RABEPK: variants seen among roughly 807,000 people sequenced by gnomAD.
RABEPK encodes Rab9 effector protein with kelch motifs.
RABEPK carries 27 observed loss-of-function variants against 34.1 expected under a neutral mutation model. That is an observed-to-expected ratio of 0.79 (90% CI 0.58 to 1.09). RABEPK has a LOEUF of 1.09. RABEPK is among the 50% of genes least tolerant of loss of function. The pLI, the probability that RABEPK is intolerant of heterozygous loss-of-function variation, is 0.00. For missense variants in RABEPK, 449 were observed against 462.6 expected, an observed-to-expected ratio of 0.97 and a Z score of 0.27; for synonymous variants, 172 against 169.2, an observed-to-expected ratio of 1.02 and a Z score of -0.13.
chr9:125,209,997 G>A (rs896848521), intron 3 of RABEPK, among the ~76,000 whole-genome samples: 9 of 152,100 alleles, frequency 5.9e-5, no homozygotes, highest in African/African-American at 2.2e-4. Context: ...AAGCTCCTCA[G>A]AAACAGATAG....
At chr9:125,225,564 T>A (rs1831674180) in intron 5 of RABEPK, among the ~76,000 whole-genome samples, 1 of 152,158 alleles carries the variant, frequency 6.6e-6, no homozygotes, top group Non-Finnish European at 1.5e-5. Context: ...GGCTCATGCC[T>A]ATAATCCCAA....
rs530233104 is a variant in RABEPK, at chr9:125,212,320, T to C, written c.212-1050T>C. 1.3e-4 allele frequency among the ~76,000 whole-genome samples: 20 copies of C among 152,244 alleles called. No individual in the cohort carries two copies. In the East Asian group the frequency reaches 3.3e-3, roughly 25 times the overall value. ...CTGCAAGCTCCACCTCCCGGGTTAA[T>C]GCCATTCTCCTGCCTCAGCCTCCCA... On this transcript the variant is annotated intron_variant, in intron 3 of 7. Transcript: ENST00000373538.
chr9:125,206,267 C>T (rs1317927135), intron 2 of RABEPK, among the ~76,000 whole-genome samples: 2 of 151,988 alleles, frequency 1.3e-5, no homozygotes. Flanking sequence ...CTTAGGGAGA[C>T]CAGGGCAGAA....
At chr9:125,212,977 G>A (rs1830686455) in intron 3 of RABEPK, among the ~76,000 whole-genome samples, 3 of 152,132 alleles carry the variant, frequency 2.0e-5, no homozygotes, top group Admixed American at 6.6e-5. Flanking sequence ...CAATACAGGC[G>A]TGTTTCAAAG....
Position 125,233,845 on chromosome 9 carries a change from A to G in RABEPK, c.984A>G (p.Ser328=). The change falls in exon 8 of 8, where the codon TCA becomes TCG. Residue 328 remains serine (S), a synonymous_variant. Transcript: ENST00000373538. ...TLNHEAEKED[S]ADKVMSHSGD... is the part of the protein sequence containing the mutation. ...ACCATGAAGCTGAGAAAGAGGATTC[A>G]GCTGACAAAGTAATGAGCCACAGTG... is the stretch of plus-strand genomic sequence containing the variant. 1.2e-6 allele frequency: 2 copies of G among 1,614,210 alleles called. No homozygotes were observed. Among genetic ancestry groups the G allele is most frequent in the Non-Finnish European group, 1.7e-6 (2 of 1,180,036 alleles).
chr9:125,219,547 C>T (rs748575638), intron 4 of RABEPK, among the ~76,000 whole-genome samples: 7 of 151,256 alleles, frequency 4.6e-5, no homozygotes, highest in Non-Finnish European at 1.0e-4. Flanking sequence ...GTCCCCACCA[C>T]GACACCTGGC....
At position 125,220,581 on chromosome 9, in the gene RABEPK, C is replaced by T. The variant is rs1442866115; in HGVS notation, c.407C>T (p.Pro136Leu). Residue 136 changes from proline (P) to leucine (L), a missense_variant, in exon 5 of 8, where the codon CCA becomes CTA. Physicochemically the swap from Pro to Leu is moderately conservative, Grantham distance 98. Transcript: ENST00000373538. ...ACGCCAGAAGTGACCAGCCCCCCACCATCCCCAAGAACATTCCACACATCA... is the reference window on the plus strand; with the variant it reads ...ACGCCAGAAGTGACCAGCCCCCCACTATCCCCAAGAACATTCCACACATCA... ...WTTPEVTSPP[P>L]SPRTFHTSSA... is the part of the protein sequence containing the mutation. 5.6e-6 allele frequency: 9 copies of T among 1,614,140 alleles called. No homozygotes were observed. The highest frequency in any genetic ancestry group is 7.6e-6 in the Non-Finnish European group (9 of 1,180,016).
At chr9:125,203,144 C>T (rs568076653) in intron 2 of RABEPK, 78 bp downstream of exon 2, 4 of 1,298,366 alleles carry the variant, frequency 3.1e-6, no homozygotes, top group Middle Eastern at 1.9e-4. Context: ...CATATTTGAT[C>T]ATCAACAAAA....
intron 1 of RABEPK, 30 bp downstream of exon 1, chr9:125,200,936 A>G (rs746704616): frequency 6.8e-6 from 3 of 441,702 alleles, no homozygotes; most frequent in South Asian, 4.9e-5. Context: ...CTCTCAATCT[A>G]TTTTCTTTCT....
chr9:125,216,705 A>G (rs1414916001), intron 4 of RABEPK, among the ~76,000 whole-genome samples: 5 of 152,070 alleles, frequency 3.3e-5, no homozygotes, highest in African/African-American at 9.7e-5. Flanking sequence ...GCTCATGCCT[A>G]TAATCCCAAC....
At chr9:125,217,138 C>T (rs1160799711) in intron 4 of RABEPK, among the ~76,000 whole-genome samples, 2 of 152,042 alleles carry the variant, frequency 1.3e-5, no homozygotes, top group Admixed American at 6.6e-5. Context: ...GTGATTTAAC[C>T]TCTCTCTGCC....
intron 3 of RABEPK, among the ~76,000 whole-genome samples, chr9:125,211,782 A>G (rs1830603809): frequency 6.6e-6 from 1 of 152,148 alleles, no homozygotes; most frequent in African/African-American, 2.4e-5. Flanking sequence ...AGCCCGGCCA[A>G]TATGGTGAAA....
chr9:125,216,639 A>G (rs868811896), intron 4 of RABEPK, among the ~76,000 whole-genome samples: 4 of 152,080 alleles, frequency 2.6e-5, no homozygotes, highest in Middle Eastern at 6.8e-3. Flanking sequence ...TTTATTGTTG[A>G]ATACTCAGGG....
intron 5 of RABEPK, among the ~76,000 whole-genome samples, chr9:125,225,834 G>T (rs1831696293): frequency 1.3e-5 from 2 of 151,712 alleles, no homozygotes; most frequent in South Asian, 2.1e-4. Flanking sequence ...TTGGTGGTAG[G>T]CACCTGTAAT....
At chr9:125,209,058 T>C (rs113196306) in intron 3 of RABEPK, among the ~76,000 whole-genome samples, 1 of 71,178 alleles carries the variant, frequency 1.4e-5, no homozygotes, top group Admixed American at 1.2e-4. Flanking sequence ...TCAACCTCCC[T>C]TTTTTTTTTT....
At chr9:125,220,765 G>A (rs1439085509) in intron 5 of RABEPK, 65 bp downstream of exon 5, 7 of 1,497,494 alleles carry the variant, frequency 4.7e-6, no homozygotes, top group Non-Finnish European at 6.3e-6. Context: ...ACCTAATATA[G>A]GAAGCAGAAG....
Position 125,200,590 on chromosome 9 carries a change from G to A in RABEPK, c.-323G>A, listed in dbSNP as rs751857876. The A allele has an allele frequency of 4.6e-6, 2 of 432,628 alleles. No individual in the cohort carries two copies. Among genetic ancestry groups the A allele is most frequent in the South Asian group, 3.4e-5 (2 of 59,684 alleles). The allele number at this position is 432,628 out of a possible 1,614,324, so 26.8% of individuals were successfully genotyped here. A position where few individuals can be genotyped will look rare whatever the true frequency, so the allele number is the denominator to read the frequency against. The stretch of plus-strand genomic sequence containing the variant: ...TAAGTCGCCGCAGGTATTGCAGTCC[G>A]GGGCTGGAGGGTAGGGGCGAGGGTC... On this transcript the variant is annotated 5_prime_UTR_variant, in exon 1 of 8. Transcript: ENST00000373538.
chr9:125,224,213 C>CA (rs904628663), intron 5 of RABEPK, among the ~76,000 whole-genome samples: 3,290 of 117,300 alleles, frequency 0.028, 57 homozygotes, highest in African/African-American at 0.053. Flanking sequence ...AAAAACAAAA[C>CA]AAAAAAAAAA....
At chr9:125,232,501 C>G (rs1337612123) in intron 6 of RABEPK, 95 bp from the exon 7 acceptor site, 2 of 1,364,954 alleles carry the variant, frequency 1.5e-6, no homozygotes, top group African/African-American at 2.9e-5. Context: ...TGGTGAATGA[C>G]TTTCAGTGAT....
Sources: gnomAD v4.1 joint callset for allele counts (sites outside exome capture counted in the v4.1 genomes callset) on GRCh38, gnomAD v4.1.1 for gene constraint, MANE v1.5 for transcripts, NCBI Gene and HGNC (gene_info 2026-07-23, HGNC 2026-07-21) for gene names.